PCDHGA2: variants seen among roughly 807,000 people sequenced by gnomAD.
PCDHGA2 encodes protocadherin gamma subfamily A, 2, also known as protocadherin gamma-A2.
In PCDHGA2, 40 loss-of-function variants were observed where a neutral mutation model predicts 59.2. The ratio of observed to expected loss-of-function variants is 0.68; its 90% confidence interval spans 0.52 to 0.88. PCDHGA2 has a LOEUF of 0.88. Ranked by LOEUF, PCDHGA2 falls within the 40% of genes least tolerant of loss-of-function variation. The pLI is 0.00. For synonymous variants in PCDHGA2, 560 were observed against 526.0 expected (o/e 1.06, Z -0.89); for missense variants, 1,226 against 1,204.0 (o/e 1.02, Z -0.27).
At chr5:141,462,217 C>T (rs1469685983) in intron 1 of PCDHGA2, among the ~76,000 whole-genome samples, 1 of 152,216 alleles carries the variant, frequency 6.6e-6, no homozygotes, top group South Asian at 2.1e-4. Flanking sequence ...GCCTCGGCCT[C>T]CCAAAGTGCA....
chr5:141,341,462 A>C (rs548025293), intron 1 of PCDHGA2, 67 bp downstream of exon 1: 1 of 1,601,120 alleles, frequency 6.2e-7, no homozygotes, highest in African/African-American at 1.3e-5. Context: ...CTTGTTTACT[A>C]TATCTATTTT....
At position 141,388,901 on chromosome 5, in the gene PCDHGA2, T is replaced by G. The variant is rs776637275; in HGVS notation, c.2424+47506T>G. The G allele has an allele frequency of 2.5e-6, 4 of 1,613,722 alleles. No homozygotes were observed. The African/African-American group carries it at 5.3e-5, about 22-fold the overall frequency. On this transcript the variant is annotated intron_variant, in intron 1 of 3. Coordinates refer to ENST00000394576, the MANE Select transcript of PCDHGA2 (RefSeq NM_018915.4). ...TGGAGGTAGAAGTCATAGATGAAAA[T>G]GACAACGCCCCAGAAGTGATATTCC...
At chr5:141,353,413 T>G (rs929607532) in intron 1 of PCDHGA2, among the ~76,000 whole-genome samples, 2 of 152,224 alleles carry the variant, frequency 1.3e-5, no homozygotes, top group African/African-American at 4.8e-5. Flanking sequence ...TCTTCATCAA[T>G]TACATTCTAG....
chr5:141,482,728 A>T (rs192207285), intron 1 of PCDHGA2, among the ~76,000 whole-genome samples: 97 of 128,396 alleles, frequency 7.6e-4, no homozygotes, highest in Admixed American at 3.3e-3. Context: ...GGGCCATTGC[A>T]AGAAATTCCA....
intron 1 of PCDHGA2, chr5:141,389,769 G>A (rs2091901102): frequency 3.1e-6 from 5 of 1,612,950 alleles, no homozygotes; most frequent in Non-Finnish European, 4.2e-6. Context: ...CACAGCGCGT[G>A]CCTTAGGCGA....
chr5:141,467,907 C>A (rs1166486426), intron 1 of PCDHGA2, among the ~76,000 whole-genome samples: 1 of 152,156 alleles, frequency 6.6e-6, no homozygotes, highest in Non-Finnish European at 1.5e-5. Flanking sequence ...AATCCGCCCA[C>A]CTCAGCCTCC....
intron 1 of PCDHGA2, chr5:141,415,006 C>T (rs1353721901): frequency 1.2e-6 from 2 of 1,613,652 alleles, no homozygotes; most frequent in Non-Finnish European, 8.5e-7. Flanking sequence ...GCTGTCCTAC[C>T]GTCTGCTCAA....
intron 1 of PCDHGA2, chr5:141,373,807 T>C (rs760297070): frequency 1.2e-5 from 4 of 341,172 alleles, no homozygotes; most frequent in Non-Finnish European, 1.1e-5. Flanking sequence ...CTCTGTGTGA[T>C]AGTTTCACAA....
intron 1 of PCDHGA2, chr5:141,422,908 C>T (rs1340882515): frequency 2.5e-6 from 4 of 1,614,126 alleles, no homozygotes; most frequent in Non-Finnish European, 3.4e-6. Context: ...CGACAATGCG[C>T]CCGAGATCCT....
chr5:141,497,858 C>T (rs920483410), intron 2 of PCDHGA2, among the ~76,000 whole-genome samples: 3 of 152,218 alleles, frequency 2.0e-5, no homozygotes, highest in Non-Finnish European at 2.9e-5. Flanking sequence ...TTTGATTCAG[C>T]GGCTCCAAAG....
Position 141,355,398 on chromosome 5 carries a change from C to A in PCDHGA2, c.2424+14003C>A, listed in dbSNP as rs768527060. 4.3e-6 allele frequency: 7 copies of A among 1,613,956 alleles called. No individual in the cohort carries two copies. In the East Asian group the frequency reaches 8.9e-5, roughly 21 times the overall value. ...AGCTGGCGGAGCGCGGAGTCCGCAT[C>A]GTCTCCAGAGGTAGGACGCAGCTTT... On this transcript the variant is annotated intron_variant, in intron 1 of 3. Transcript: ENST00000394576.
chr5:141,410,847 GTC>G (rs2095431261), intron 1 of PCDHGA2: 6 of 158,244 alleles, frequency 3.8e-5, no homozygotes, highest in Admixed American at 8.9e-5. Context: ...TTTTGTCTTT[GTC>G]TTTTTTTTTT....
chr5:141,454,796 A>ATTTTTTTT (rs61612330), intron 1 of PCDHGA2, among the ~76,000 whole-genome samples: 1,488 of 77,444 alleles, frequency 0.019, 251 homozygotes, highest in African/African-American at 0.042. Flanking sequence ...CATGGTTCTA[A>ATTTTTTTT]TTTTTTTTTT....
intron 1 of PCDHGA2, chr5:141,413,855 C>A: frequency 3.7e-6 from 6 of 1,613,324 alleles, no homozygotes; most frequent in Non-Finnish European, 5.1e-6. Flanking sequence ...CCTCTCCGAT[C>A]TGGCACTGTC....
chr5:141,435,444 A>G (rs1471113812), intron 1 of PCDHGA2, among the ~76,000 whole-genome samples: 1 of 152,216 alleles, frequency 6.6e-6, no homozygotes, highest in East Asian at 1.9e-4. Flanking sequence ...TTTCATTAAT[A>G]CGATATCTGT....
At chr5:141,383,556 C>T (rs1365311931) in intron 1 of PCDHGA2, 1 of 1,612,766 alleles carries the variant, frequency 6.2e-7, no homozygotes, top group Non-Finnish European at 8.5e-7. Context: ...ATGGCGGCGA[C>T]CCGCCCCGAT....
rs750571929 is a variant in PCDHGA2 at position 141,357,479 on chromosome 5, C to T, written c.2424+16084C>T. ...ACCTATTCCCACGAGGTCTCCCTCA[C>T]CGCGGACTCGCGGAAGAGTCACCTG... On this transcript the variant is annotated intron_variant, in intron 1 of 3. Coordinates refer to ENST00000394576, the MANE Select transcript of PCDHGA2 (RefSeq NM_018915.4). The T allele has an allele frequency of 5.6e-6, 9 of 1,614,132 alleles. No homozygotes were observed. Among genetic ancestry groups the T allele is most frequent in the South Asian group, 1.1e-5 (1 of 91,094 alleles).
chr5:141,378,980 G>T (rs1336652080), intron 1 of PCDHGA2: 1 of 152,182 alleles, frequency 6.6e-6, no homozygotes, highest in Non-Finnish European at 1.5e-5. Context: ...ATGACTTGTT[G>T]AACTACATTA....
rs141820910 is a variant in PCDHGA2 at position 141,340,897 on chromosome 5, C to G, written c.1926C>G (p.Leu642=). 1 of 1,613,718 alleles carries G rather than the reference C, an allele frequency of 6.2e-7. No homozygotes were observed. The highest frequency in any genetic ancestry group is 1.1e-5 in the South Asian group (1 of 91,044). Residue 642 remains leucine (L), a synonymous_variant, in exon 1 of 4, where the codon CTC becomes CTG. Coordinates refer to ENST00000394576, the MANE Select transcript of PCDHGA2 (RefSeq NM_018915.4). ...ACAGAGACGCGCTCAAGCAGAGCCT[C>G]GTGGTGGCCATCCAGGACCACGGCC... ...LLDRDALKQS[L]VVAIQDHGQP...
Sources: allele counts gnomAD v4.1 joint callset (sites outside exome capture counted in the v4.1 genomes callset), GRCh38; gene constraint gnomAD v4.1.1; transcripts MANE v1.5; gene names NCBI Gene and HGNC (gene_info 2026-07-23, HGNC 2026-07-21).